The following SLC3A1 variants were observed in gnomAD, a reference collection of about 807,000 sequenced individuals.
SLC3A1 encodes the protein solute carrier family 3 member 1.
SLC3A1 carries 78 observed loss-of-function variants against 60.3 expected under a neutral mutation model. The observed-to-expected ratio is 1.29, with a 90% CI of 1.08 to 1.56. SLC3A1 has a LOEUF of 1.56. Ranked by LOEUF, SLC3A1 falls within the 40% of genes most tolerant of loss-of-function variation. The pLI is 0.00. For synonymous variants in SLC3A1, 392 were observed against 307.9 expected (o/e 1.27, Z -2.86); for missense variants, 1,172 against 858.9 (o/e 1.36, Z -4.56).
At chr2:44,314,671 A>G (rs1558470155) in intron 9 of SLC3A1, 3 of 153,022 alleles carry the variant, frequency 2.0e-5, no homozygotes. Context: ...AGATATAGAA[A>G]GCCACACAAA....
chr2:44,295,020 A>C (rs1203905486), intron 4 of SLC3A1, among the ~76,000 whole-genome samples: 1 of 152,162 alleles, frequency 6.6e-6, no homozygotes, highest in Non-Finnish European at 1.5e-5. Context: ...CTAGGATTAC[A>C]GGCATGAGCC....
chr2:44,314,205 A>G, intron 9 of SLC3A1: 2 of 900,306 alleles, frequency 2.2e-6, no homozygotes, highest in Non-Finnish European at 3.3e-6. Flanking sequence ...GACCTTTACT[A>G]AGGCCTTTGA....
chr2:44,321,568 C>T (rs1672948782), downstream of SLC3A1: 4 of 1,500,174 alleles, frequency 2.7e-6, no homozygotes, highest in African/African-American at 1.4e-5. Flanking sequence ...GGCAAGAATA[C>T]TTTCATTCGA....
chr2:44,309,675 C>A (rs1572813023), intron 7 of SLC3A1, among the ~76,000 whole-genome samples: 5 of 152,360 alleles, frequency 3.3e-5, no homozygotes, highest in Admixed American at 3.3e-4. Context: ...TCTCGGCTCA[C>A]TGCAACCTCT....
chr2:44,278,959 T>G (rs1671411831), intron 1 of SLC3A1, among the ~76,000 whole-genome samples: 1 of 152,052 alleles, frequency 6.6e-6, no homozygotes, highest in Admixed American at 6.6e-5. Flanking sequence ...ATTTATCACC[T>G]TTTTAAATTA....
At chr2:44,290,291 G>T (rs1340198178) in intron 4 of SLC3A1, among the ~76,000 whole-genome samples, 5 of 152,118 alleles carry the variant, frequency 3.3e-5, no homozygotes, top group Non-Finnish European at 7.3e-5. Context: ...TCATCTATAT[G>T]TCTGTCCTTA....
intron 3 of SLC3A1, among the ~76,000 whole-genome samples, chr2:44,283,375 G>T (rs376919417): frequency 6.6e-6 from 1 of 152,126 alleles, no homozygotes; most frequent in South Asian, 2.1e-4. Context: ...AAATTGCAAT[G>T]ACATTAGCAA....
At chr2:44,314,898 G>A (rs1160196893) in intron 9 of SLC3A1, 2 of 149,682 alleles carry the variant, frequency 1.3e-5, no homozygotes, top group Admixed American at 1.3e-4. Flanking sequence ...AGCAAAGATG[G>A]AGAAAATGCA....
In SLC3A1 at chr2:44,275,629, G is replaced by C; in HGVS notation, c.94G>C (p.Glu32Gln). 2 of 1,614,120 alleles carry C rather than the reference G, an allele frequency of 1.2e-6. No homozygotes were observed. The highest frequency in any genetic ancestry group is 1.6e-4 in the Middle Eastern group (1 of 6,062). ...NGFVHNEDIL[E>Q]QTPDPGSSTD... Reference sequence around the variant, plus strand: ...GTTTGTCCATAATGAAGACATTCTGGAGCAGACCCCGGATCCAGGAAGCTC... The same window carrying C: ...GTTTGTCCATAATGAAGACATTCTGCAGCAGACCCCGGATCCAGGAAGCTC... Residue 32 changes from glutamate to glutamine, a missense_variant, in exon 1 of 10, where the codon GAG becomes CAG. Glu to Gln is a conservative substitution (Grantham distance 29). Transcript: ENST00000260649.
intron 7 of SLC3A1, among the ~76,000 whole-genome samples, chr2:44,311,814 A>AC (rs2104382753): frequency 6.6e-6 from 1 of 152,108 alleles, no homozygotes; most frequent in South Asian, 2.1e-4. Flanking sequence ...TCTGTCTTAG[A>AC]CTACTACTTG....
At chr2:44,318,093 CTGTTTTT>C (rs1558473577) in intron 9 of SLC3A1, 5 of 394,848 alleles carry the variant, frequency 1.3e-5, no homozygotes, top group African/African-American at 9.0e-5. Context: ...GATCTCAACA[CTGTTTTT>C]TTTTTTTTTT....
intron 6 of SLC3A1, among the ~76,000 whole-genome samples, chr2:44,301,867 C>A (rs1672020660): frequency 6.6e-6 from 1 of 152,022 alleles, no homozygotes; most frequent in Non-Finnish European, 1.5e-5. Flanking sequence ...CGAGACCAGC[C>A]TGGGCAACAT....
chr2:44,275,840 C>G lies in SLC3A1; in HGVS notation c.305C>G (p.Ala102Gly), dbSNP rs141788440. The G allele has an allele frequency of 1.9e-6, 3 of 1,614,142 alleles. No homozygotes were observed. In the African/African-American group the frequency reaches 4.0e-5, roughly 22 times the overall value. The change falls in exon 1 of 10, where the codon GCG becomes GGG. Residue 102 changes from alanine to glycine, a missense_variant. By Grantham distance (60) the Ala-to-Gly change is moderately conservative. Coordinates refer to ENST00000260649, the MANE Select transcript of SLC3A1 (RefSeq NM_000341.4). ...LTVASVLVLI[A>G]ATIAIIALSP... ...GTGGCTTCTGTGCTGGTGCTCATCG[C>G]GGCCACCATAGCCATCATTGCCCTC...
intron 7 of SLC3A1, among the ~76,000 whole-genome samples, chr2:44,305,098 GT>G (rs1225175206): frequency 6.6e-6 from 1 of 152,068 alleles, no homozygotes; most frequent in Non-Finnish European, 1.5e-5. Flanking sequence ...GTCTCCCAAA[GT>G]GCTGGGAATA....
chr2:44,297,128 T>C (rs942758871), intron 4 of SLC3A1, among the ~76,000 whole-genome samples: 3 of 152,190 alleles, frequency 2.0e-5, no homozygotes, highest in Admixed American at 6.5e-5. Context: ...TTTCCCTCCA[T>C]AGGTGAAAAT....
chr2:44,304,253 T>C lies in SLC3A1; in HGVS notation c.1247T>C (p.Leu416Pro), dbSNP rs756080496. ...DFPFNNYLSMLDTVSGNSVYE... is the reference protein window; with the variant it reads ...DFPFNNYLSMPDTVSGNSVYE... The stretch of plus-strand genomic sequence containing the variant: ...CCCTTCAACAATTACCTCAGCATGC[T>C]AGACACTGTTTCTGGGAACAGCGTG... Residue 416 changes from leucine (L) to proline (P), a missense_variant, in exon 7 of 10, where the codon CTA becomes CCA. By Grantham distance (98) the Leu-to-Pro change is moderately conservative. Transcript: ENST00000260649. 229 of 1,614,024 alleles carry C rather than the reference T, an allele frequency of 1.4e-4. No homozygotes were observed. The highest frequency in any genetic ancestry group is 1.9e-4 in the Non-Finnish European group (223 of 1,179,968).
At position 44,321,253 on chromosome 2, in the gene SLC3A1, A is replaced by C; in HGVS notation, c.*614A>C. 2.0e-6 allele frequency: 2 copies of C among 1,014,850 alleles called. No individual in the cohort carries two copies. The highest frequency in any genetic ancestry group is 3.2e-5 in the South Asian group (2 of 61,726). 62.9% of individuals were successfully genotyped at this position (1,014,850 alleles called of 1,614,324 possible). A position where few individuals can be genotyped will look rare whatever the true frequency, so the allele number is the denominator to read the frequency against. The stretch of plus-strand genomic sequence containing the variant: ...AGAAGCACATTTTAAAAAATTAATA[A>C]CTTAAAAGTCTCAAGTTATTAATTT... On this transcript the variant is annotated 3_prime_UTR_variant, in exon 10 of 10. Transcript: ENST00000260649.
At chr2:44,284,194 C>G (rs1671560554) in intron 3 of SLC3A1, among the ~76,000 whole-genome samples, 1 of 152,178 alleles carries the variant, frequency 6.6e-6, no homozygotes, top group African/African-American at 2.4e-5. Flanking sequence ...ATTCTCCTGC[C>G]TCAGCCTCTC....
chr2:44,306,716 G>C (rs990392535), intron 7 of SLC3A1, among the ~76,000 whole-genome samples: 3 of 151,696 alleles, frequency 2.0e-5, no homozygotes, highest in Non-Finnish European at 4.4e-5. Flanking sequence ...ACCACACCCA[G>C]CTAATTTTTT....
Sources: gnomAD v4.1 joint callset for allele counts (sites outside exome capture counted in the v4.1 genomes callset) on GRCh38, gnomAD v4.1.1 for gene constraint, MANE v1.5 for transcripts, NCBI Gene and HGNC (gene_info 2026-07-23, HGNC 2026-07-21) for gene names.